ZNF532: variants seen among roughly 807,000 people sequenced by gnomAD.
ZNF532 encodes zinc finger protein 532.
Under a neutral mutation model 89.3 loss-of-function variants are expected in ZNF532, and 22 were observed. That is an observed-to-expected ratio of 0.25 (90% CI 0.18 to 0.35). ZNF532 has a LOEUF of 0.35. Ranked by LOEUF, ZNF532 falls within the 10% of genes least tolerant of loss-of-function variation. The pLI is 1.00. For missense variants in ZNF532, 1,132 were observed against 1,643.4 expected, an observed-to-expected ratio of 0.69 and a Z score of 5.38; for synonymous variants, 606 against 649.6, an observed-to-expected ratio of 0.93 and a Z score of 1.02.
At chr18:58,975,043 G>GC (rs1342340683) in intron 7 of ZNF532, among the ~76,000 whole-genome samples, 1 of 152,194 alleles carries the variant, frequency 6.6e-6, no homozygotes, top group Non-Finnish European at 1.5e-5. Flanking sequence ...GCAGAAACGG[G>GC]CTGTAGTAAG....
intron 7 of ZNF532, among the ~76,000 whole-genome samples, chr18:58,966,268 T>C (rs546847157): frequency 6.6e-6 from 1 of 152,226 alleles, no homozygotes; most frequent in Admixed American, 6.5e-5. Flanking sequence ...ATAATTTCAG[T>C]TTAGGAGTTA....
At chr18:58,951,643 G>GTT (rs1229500489) in intron 6 of ZNF532, among the ~76,000 whole-genome samples, 7 of 23,316 alleles carry the variant, frequency 3.0e-4, no homozygotes, top group South Asian at 1.9e-3. Flanking sequence ...CCCTCGCCCT[G>GTT]TTGTTTTTTT....
At chr18:58,869,933 A>G (rs2056835413) in intron 2 of ZNF532, among the ~76,000 whole-genome samples, 1 of 151,072 alleles carries the variant, frequency 6.6e-6, no homozygotes, top group African/African-American at 2.4e-5. Context: ...TGCCTGGCTA[A>G]TTTTTTGTAT....
At chr18:58,909,502 A>G (rs2060151854) in intron 2 of ZNF532, among the ~76,000 whole-genome samples, 1 of 152,172 alleles carries the variant, frequency 6.6e-6, no homozygotes, top group African/African-American at 2.4e-5. Flanking sequence ...CTTTCAACAA[A>G]GGTAGATAAC....
intron 7 of ZNF532, among the ~76,000 whole-genome samples, chr18:58,959,253 G>GTTTTTTTTTTT (rs201150500): frequency 1.1e-4 from 13 of 121,672 alleles, no homozygotes; most frequent in South Asian, 2.9e-4. Context: ...TCAGTTTTTT[G>GTTTTTTTTTTT]TTTTTTGTTT....
chr18:58,888,154 T>G lies in ZNF532; in HGVS notation c.-18+22575T>G, dbSNP rs566832082. On this transcript the variant is annotated intron_variant, in intron 2 of 9. Transcript: ENST00000591808. ...AATAATAAACCACAATCATCATGAG[T>G]ATTTTATTTTATATAGGCAGACAGT... Among the ~76,000 whole-genome samples the G allele has an allele frequency of 1.7e-3, 241 of 143,932 alleles. 2 individuals carry two copies. Among genetic ancestry groups the G allele is most frequent in the Middle Eastern group, 0.014 (4 of 290 alleles). The allele number at this position is 143,932 out of a possible 152,430, so 94.4% of individuals were successfully genotyped here.
At chr18:58,882,229 T>C (rs1333701960) in intron 2 of ZNF532, among the ~76,000 whole-genome samples, 2 of 152,160 alleles carry the variant, frequency 1.3e-5, no homozygotes, top group Non-Finnish European at 2.9e-5. Flanking sequence ...TGGAGTCTCT[T>C]TAGAAATACT....
At chr18:58,971,618 T>C (rs2066487321) in intron 7 of ZNF532, among the ~76,000 whole-genome samples, 2 of 152,208 alleles carry the variant, frequency 1.3e-5, no homozygotes, top group Non-Finnish European at 2.9e-5. Context: ...GTCGACTGTT[T>C]TACCTATCAC....
chr18:58,921,913 C>G (rs898344686), intron 3 of ZNF532, among the ~76,000 whole-genome samples: 2 of 152,114 alleles, frequency 1.3e-5, no homozygotes, highest in Non-Finnish European at 2.9e-5. Context: ...CGAGACCAGC[C>G]TGGGCAACAT....
rs1445233239 is a variant in ZNF532, at chr18:58,920,505, A to G, written c.2218A>G (p.Met740Val). ...APSSTPITPAMPLDEDPSKLC... is the reference protein window; with the variant it reads ...APSSTPITPAVPLDEDPSKLC... ...TTCAAGCACTCCCATCACCCCAGCC[A>G]TGCCCCTAGATGAAGACCCCTCCAA... Residue 740 changes from methionine (M) to valine (V), a missense_variant, in exon 3 of 10, where the codon ATG (methionine) becomes GTG (valine). Coordinates refer to ENST00000591808, the MANE Select transcript of ZNF532 (RefSeq NM_001375912.1). The G allele has an allele frequency of 2.5e-6, 4 of 1,613,970 alleles. No homozygotes were observed. Among genetic ancestry groups the G allele is most frequent in the Admixed American group, 1.7e-5 (1 of 60,014 alleles).
At chr18:58,932,909 T>C (rs1227696242) in intron 3 of ZNF532, among the ~76,000 whole-genome samples, 1 of 152,156 alleles carries the variant, frequency 6.6e-6, no homozygotes, top group Non-Finnish European at 1.5e-5. Context: ...TATATATATA[T>C]ATAAATGTTT....
chr18:58,912,289 A>T (rs1430398817), intron 2 of ZNF532, among the ~76,000 whole-genome samples: 1 of 152,222 alleles, frequency 6.6e-6, no homozygotes, highest in Non-Finnish European at 1.5e-5. Context: ...TATATCCATG[A>T]TTGGTATCAT....
Position 58,986,392 on chromosome 18 carries a change from C to T in ZNF532, c.*1926C>T, listed in dbSNP as rs1011057304. On this transcript the variant is annotated 3_prime_UTR_variant, in exon 10 of 10. Transcript: ENST00000591808. ...CATATTAGAACCCAAATATTTTGCT[C>T]TCTAAATCTAATGCTCGCTCTATGT... The T allele has an allele frequency of 2.6e-5, 4 of 152,634 alleles. No individual in the cohort carries two copies. The highest frequency in any genetic ancestry group is 9.7e-5 in the African/African-American group (4 of 41,430). The allele number at this position is 152,634 out of a possible 1,614,324, so 9.5% of individuals were successfully genotyped here.
chr18:58,926,693 C>A (rs1182330661), intron 3 of ZNF532, among the ~76,000 whole-genome samples: 2 of 152,128 alleles, frequency 1.3e-5, no homozygotes, highest in Non-Finnish European at 2.9e-5. Context: ...TGTTAGATTT[C>A]TTTTTTCAAA....
At chr18:58,862,973 A>G (rs1291002399), upstream of ZNF532, 1 of 152,164 alleles carries the variant, frequency 6.6e-6, no homozygotes, top group African/African-American at 2.4e-5. Flanking sequence ...ACCACTAACT[A>G]ACCAGAGGAG....
intron 2 of ZNF532, among the ~76,000 whole-genome samples, chr18:58,883,549 C>T (rs2058072895): frequency 1.3e-5 from 2 of 152,058 alleles, no homozygotes; most frequent in South Asian, 4.1e-4. Flanking sequence ...GCATGGATGA[C>T]CTAAGCAAGC....
chr18:58,969,042 G>A (rs2066202229), intron 7 of ZNF532, among the ~76,000 whole-genome samples: 1 of 152,234 alleles, frequency 6.6e-6, no homozygotes. Flanking sequence ...ATAAGGACTT[G>A]TAAGATAGAC....
At chr18:58,943,264 A>G (rs576395646) in intron 5 of ZNF532, among the ~76,000 whole-genome samples, 42 of 143,706 alleles carry the variant, frequency 2.9e-4, no homozygotes, top group Non-Finnish European at 5.1e-4. Context: ...GGTTCTCGCC[A>G]TTCTTCTGCC....
intron 2 of ZNF532, among the ~76,000 whole-genome samples, chr18:58,898,681 A>G (rs1602803139): frequency 1.3e-5 from 2 of 152,234 alleles, no homozygotes; most frequent in Admixed American, 1.3e-4. Flanking sequence ...GTCTCCATCT[A>G]GGGTGATTTT....
Sources: gnomAD v4.1 joint callset for allele counts (sites outside exome capture counted in the v4.1 genomes callset) on GRCh38, gnomAD v4.1.1 for gene constraint, MANE v1.5 for transcripts, NCBI Gene and HGNC (gene_info 2026-07-23, HGNC 2026-07-21) for gene names.